OXR1: variants seen among roughly 807,000 people sequenced by gnomAD.
OXR1 encodes oxidation resistance 1, also known as oxidation resistance protein 1.
Under a neutral mutation model 104.6 loss-of-function variants are expected in OXR1, and 41 were observed. The ratio of observed to expected loss-of-function variants is 0.39; its 90% CI spans 0.31 to 0.51. OXR1 has a LOEUF of 0.51. Ranked by LOEUF, OXR1 falls within the 20% of genes least tolerant of loss-of-function variation. OXR1 has a pLI of 0.77. For synonymous variants in OXR1, 348 were observed against 348.4 expected, an observed-to-expected ratio of 1.00 and a Z score of 0.01; for missense variants, 955 against 1,031.9, an observed-to-expected ratio of 0.93 and a Z score of 1.02.
At chr8:106,317,370 G>T (rs1005119170) in intron 1 of OXR1, among the ~76,000 whole-genome samples, 2 of 151,998 alleles carry the variant, frequency 1.3e-5, no homozygotes, top group Non-Finnish European at 1.5e-5. Context: ...TTGACCATGA[G>T]GTATCCAAAC....
intron 3 of OXR1, among the ~76,000 whole-genome samples, chr8:106,583,305 A>G (rs551108424): frequency 2.0e-5 from 3 of 152,302 alleles, no homozygotes; most frequent in Non-Finnish European, 2.9e-5. Context: ...TTACAAATTT[A>G]TATGATTTTT....
In OXR1 at chr8:106,738,505, A is replaced by G. The variant is rs80213790; in HGVS notation, c.2037+905A>G. 1.2e-3 allele frequency among the ~76,000 whole-genome samples: 182 copies of G among 152,226 alleles called. 2 individuals are homozygous for G. The East Asian group carries it at 0.033, about 28-fold the overall frequency. On this transcript the variant is annotated intron_variant, in intron 12 of 16. Transcript: ENST00000517566. The stretch of plus-strand genomic sequence containing the variant: ...AATTTAGCAAGAATTTCATTCCCAT[A>G]TAGAATCACAGTTGCTGAGCGTTGC...
intron 2 of OXR1, among the ~76,000 whole-genome samples, chr8:106,428,709 A>G (rs1819236613): frequency 6.6e-6 from 1 of 151,612 alleles, no homozygotes; most frequent in Admixed American, 6.6e-5. Flanking sequence ...TAGAACTTTG[A>G]TATATTGGAG....
At chr8:106,563,786 A>G (rs1045356670) in intron 3 of OXR1, among the ~76,000 whole-genome samples, 1 of 152,136 alleles carries the variant, frequency 6.6e-6, no homozygotes, top group African/African-American at 2.4e-5. Flanking sequence ...CATAACAAAC[A>G]GTCTCTCAGA....
chr8:106,608,202 A>T (rs1820547755), intron 3 of OXR1, among the ~76,000 whole-genome samples: 1 of 152,184 alleles, frequency 6.6e-6, no homozygotes, highest in Non-Finnish European at 1.5e-5. Flanking sequence ...ATGCAGAAGG[A>T]TCATTTGAGC....
chr8:106,284,851 C>T (rs1002771205), intron 1 of OXR1, among the ~76,000 whole-genome samples: 3 of 152,028 alleles, frequency 2.0e-5, no homozygotes, highest in African/African-American at 4.8e-5. Context: ...TGTTTGCTTG[C>T]TATTGCCATA....
At chr8:106,292,008 G>A (rs1169859482) in intron 1 of OXR1, among the ~76,000 whole-genome samples, 1 of 152,144 alleles carries the variant, frequency 6.6e-6, no homozygotes, top group Non-Finnish European at 1.5e-5. Context: ...AGATTTGGAT[G>A]GGGACACAGC....
intron 1 of OXR1, among the ~76,000 whole-genome samples, chr8:106,329,440 C>T (rs1445532531): frequency 6.7e-6 from 1 of 148,816 alleles, no homozygotes. Flanking sequence ...CTCCGCTTCC[C>T]GGGTTCACGC....
At chr8:106,412,705 C>T (rs1447137405) in intron 2 of OXR1, among the ~76,000 whole-genome samples, 1 of 152,048 alleles carries the variant, frequency 6.6e-6, no homozygotes, top group African/African-American at 2.4e-5. Flanking sequence ...TTATTGGCTG[C>T]GAGCAGACTG....
chr8:106,325,197 A>G (rs1814418448), intron 1 of OXR1, among the ~76,000 whole-genome samples: 1 of 152,202 alleles, frequency 6.6e-6, no homozygotes, highest in Non-Finnish European at 1.5e-5. Context: ...GCTTGTCCTA[A>G]TATTGTTTCC....
chr8:106,565,895 T>C (rs1817035755), intron 3 of OXR1, among the ~76,000 whole-genome samples: 1 of 152,140 alleles, frequency 6.6e-6, no homozygotes, highest in Non-Finnish European at 1.5e-5. Flanking sequence ...ATGTAATAAA[T>C]AATGTTGGGA....
chr8:106,696,641 C>G (rs1830059270), intron 7 of OXR1, among the ~76,000 whole-genome samples: 1 of 152,198 alleles, frequency 6.6e-6, no homozygotes, highest in South Asian at 2.1e-4. Flanking sequence ...GTGTTTTAGA[C>G]TTCAGCCGTT....
Position 106,281,985 on chromosome 8 carries a change from A to G in OXR1, c.-139+11618A>G, listed in dbSNP as rs73698691. On this transcript the variant is annotated intron_variant, in intron 1 of 16. Transcript: ENST00000517566. The stretch of plus-strand genomic sequence containing the variant: ...AAAATACTACTGATTTATATGCTAT[A>G]TTCTATTTTTAAAACTCAAACCCAT... Among the ~76,000 whole-genome samples, 209 of 152,230 alleles carry G rather than the reference A, an allele frequency of 1.4e-3. 1 individual carries two copies. Among genetic ancestry groups the G allele is most frequent in the African/African-American group, 4.9e-3 (204 of 41,528 alleles).
intron 2 of OXR1, among the ~76,000 whole-genome samples, chr8:106,409,777 G>A (rs975506362): frequency 6.6e-6 from 1 of 152,088 alleles, no homozygotes; most frequent in African/African-American, 2.4e-5. Context: ...TTTCTTTTCT[G>A]GAGTACATAA....
At chr8:106,271,233 C>G (rs1259420274) in intron 1 of OXR1, among the ~76,000 whole-genome samples, 2 of 152,148 alleles carry the variant, frequency 1.3e-5, no homozygotes, top group Non-Finnish European at 2.9e-5. Context: ...ACTTTCACCC[C>G]TGGCTCCTCC....
intron 15 of OXR1, among the ~76,000 whole-genome samples, chr8:106,743,293 G>T (rs1835085924): frequency 6.6e-6 from 1 of 152,134 alleles, no homozygotes. Context: ...TGGCAAGGTT[G>T]CAGAGAAAAA....
intron 3 of OXR1, among the ~76,000 whole-genome samples, chr8:106,536,560 A>T (rs1814553818): frequency 6.6e-6 from 1 of 152,220 alleles, no homozygotes; most frequent in South Asian, 2.1e-4. Context: ...AACTTGACTA[A>T]GCTAAGGGCT....
At position 106,750,861 on chromosome 8, in the gene OXR1, T is replaced by G; in HGVS notation, c.2542T>G (p.Cys848Gly). The change falls in exon 17 of 17, where the codon TGT becomes GGT. Residue 848 changes from cysteine to glycine, a missense_variant. Physicochemically the swap from Cys to Gly is radical, Grantham distance 159. Coordinates refer to ENST00000517566, the MANE Select transcript of OXR1 (RefSeq NM_001198533.2). ...TCTCTACCATGGAAGAAGCCATTCT[T>G]GTAAAACGTTTGGGAATCGTACACT... is the stretch of plus-strand genomic sequence containing the variant. ...GDLYHGRSHS[C>G]KTFGNRTLSK... 6.2e-7 allele frequency: 1 copy of G among 1,610,202 alleles called. No homozygotes were observed. The highest frequency in any genetic ancestry group is 8.5e-7 in the Non-Finnish European group (1 of 1,177,180).
chr8:106,630,392 A>G (rs868548040), intron 3 of OXR1, among the ~76,000 whole-genome samples: 2 of 152,232 alleles, frequency 1.3e-5, no homozygotes, highest in Non-Finnish European at 2.9e-5. Context: ...ACTGGGGCAC[A>G]GGAATGGTAA....
Sources: gnomAD v4.1 joint callset for allele counts (sites outside exome capture counted in the v4.1 genomes callset) on GRCh38, gnomAD v4.1.1 for gene constraint, MANE v1.5 for transcripts, NCBI Gene and HGNC (gene_info 2026-07-23, HGNC 2026-07-21) for gene names.